The following OSBPL10 variants were observed in gnomAD, a reference collection of about 807,000 sequenced individuals.
The protein encoded by OSBPL10 is oxysterol binding protein like 10.
A neutral mutation model predicts 81.7 loss-of-function variants in OSBPL10; 49 were observed. That is an observed-to-expected ratio of 0.60 (90% CI 0.48 to 0.76). The LOEUF is 0.76. Ranked by LOEUF, OSBPL10 falls within the 30% of genes least tolerant of loss-of-function variation. The pLI, the probability that OSBPL10 is intolerant of heterozygous loss-of-function variation, is 0.00. For synonymous variants in OSBPL10, 419 were observed against 383.6 expected, an observed-to-expected ratio of 1.09 and a Z score of -1.08; for missense variants, 923 against 987.8, an observed-to-expected ratio of 0.93 and a Z score of 0.88.
At chr3:31,914,009 G>A (rs893778837) in intron 1 of OSBPL10, among the ~76,000 whole-genome samples, 27 of 152,098 alleles carry the variant, frequency 1.8e-4, no homozygotes, top group African/African-American at 6.3e-4. Context: ...TGAAACCTCT[G>A]CCTCCTGGGT....
intron 1 of OSBPL10, among the ~76,000 whole-genome samples, chr3:31,902,345 C>T (rs796383710): frequency 1.8e-4 from 27 of 149,572 alleles, no homozygotes; most frequent in African/African-American, 6.4e-4. Flanking sequence ...TTACTGCAAC[C>T]TCTGCCTCCC....
intron 2 of OSBPL10, among the ~76,000 whole-genome samples, chr3:32,022,933 C>T (rs1699373135): frequency 6.6e-6 from 1 of 151,990 alleles, no homozygotes; most frequent in Non-Finnish European, 1.5e-5. Flanking sequence ...AGAGTTCAGT[C>T]CTCAAGTCCC....
intron 4 of OSBPL10, among the ~76,000 whole-genome samples, chr3:31,825,971 T>C (rs1700091486): frequency 6.6e-6 from 1 of 152,222 alleles, no homozygotes; most frequent in African/African-American, 2.4e-5. Context: ...ATGACTCTTA[T>C]CTTAAATTAC....
rs554276693 is a variant in OSBPL10 at position 31,911,164 on chromosome 3, A to G, written c.282-31334T>C. On this transcript the variant is annotated intron_variant, in intron 1 of 11. Transcript: ENST00000396556. ...GTGCTCAGGGCCTACAGAGTTGCCA[A>G]ACTTTTTCTGGAAAAGGGGAAAAAG... Among the ~76,000 whole-genome samples, 7 of 152,300 alleles carry G rather than the reference A, an allele frequency of 4.6e-5. No individual in the cohort carries two copies. In the South Asian group the frequency reaches 1.2e-3, roughly 27 times the overall value.
intron 8 of OSBPL10, among the ~76,000 whole-genome samples, chr3:31,675,176 CTTGGGAA>C (rs57353101): frequency 0.49 from 74,386 of 151,264 alleles, 20,860 homozygotes; most frequent in African/African-American, 0.77. Flanking sequence ...ATCGGGATAC[CTTGGGAA>C]TTGGGAACTC....
At chr3:31,836,926 G>C (rs1252391156) in intron 3 of OSBPL10, among the ~76,000 whole-genome samples, 1 of 152,124 alleles carries the variant, frequency 6.6e-6, no homozygotes, top group African/African-American at 2.4e-5. Context: ...TGCAATTTTA[G>C]AGCTAGATGG....
chr3:31,718,336 C>A (rs1255180643), intron 6 of OSBPL10: 11 of 152,162 alleles, frequency 7.2e-5, no homozygotes, highest in Non-Finnish European at 1.2e-4. Context: ...ACTGTGTTAG[C>A]CAGGATGGTC....
chr3:31,805,288 G>A (rs1267827802), intron 4 of OSBPL10, among the ~76,000 whole-genome samples: 2 of 152,146 alleles, frequency 1.3e-5, no homozygotes, highest in East Asian at 3.9e-4. Flanking sequence ...CTCACACCAG[G>A]TCCTTGCACC....
chr3:31,799,172 G>A (rs1699313364), intron 4 of OSBPL10, among the ~76,000 whole-genome samples: 1 of 151,828 alleles, frequency 6.6e-6, no homozygotes. Flanking sequence ...TCTTCTTGTG[G>A]GGTATGTCTG....
intron 1 of OSBPL10, among the ~76,000 whole-genome samples, chr3:31,932,995 A>G (rs1245635143): frequency 6.6e-6 from 1 of 152,202 alleles, no homozygotes. Context: ...TTTATTTAAA[A>G]ATAAAGTTTT....
chr3:32,051,461 G>C (rs1699669828), intron 1 of OSBPL10, among the ~76,000 whole-genome samples: 1 of 152,138 alleles, frequency 6.6e-6, no homozygotes, highest in African/African-American at 2.4e-5. Flanking sequence ...TCAGCTCTTT[G>C]ATGTTTGGAT....
At chr3:32,055,513 T>C (rs1432569999) in intron 1 of OSBPL10, among the ~76,000 whole-genome samples, 2 of 152,204 alleles carry the variant, frequency 1.3e-5, no homozygotes, top group African/African-American at 4.8e-5. Context: ...TTTAGTAAAG[T>C]ATACTCCTAT....
At chr3:31,983,700 G>A (rs1361587895), upstream of OSBPL10, among the ~76,000 whole-genome samples, 1 of 152,204 alleles carries the variant, frequency 6.6e-6, no homozygotes, top group Non-Finnish European at 1.5e-5. Flanking sequence ...TGGAGTTATG[G>A]ATTACAAGTC....
intron 2 of OSBPL10, among the ~76,000 whole-genome samples, chr3:31,996,170 C>T (rs777684776): frequency 1.3e-5 from 2 of 152,138 alleles, no homozygotes; most frequent in African/African-American, 4.8e-5. Flanking sequence ...CAGGTAAACG[C>T]AAACAACCAG....
At chr3:31,947,747 A>G (rs796091000) in intron 1 of OSBPL10, among the ~76,000 whole-genome samples, 3 of 152,192 alleles carry the variant, frequency 2.0e-5, no homozygotes, top group Non-Finnish European at 4.4e-5. Flanking sequence ...AAAAATAGAT[A>G]AAGAATCTGT....
At chr3:31,896,077 A>G (rs1696048122) in intron 1 of OSBPL10, among the ~76,000 whole-genome samples, 1 of 152,250 alleles carries the variant, frequency 6.6e-6, no homozygotes, top group Non-Finnish European at 1.5e-5. Flanking sequence ...AAACAATGCC[A>G]CATTAATTCC....
At chr3:32,069,718 G>C (rs1285934767) in intron 1 of OSBPL10, among the ~76,000 whole-genome samples, 2 of 152,196 alleles carry the variant, frequency 1.3e-5, no homozygotes, top group African/African-American at 4.8e-5. Context: ...CAATAATAGA[G>C]AGGCGGTAGC....
chr3:31,788,128 T>C (rs567720955), intron 4 of OSBPL10, among the ~76,000 whole-genome samples: 94 of 152,312 alleles, frequency 6.2e-4, no homozygotes, highest in Non-Finnish European at 1.3e-4. Context: ...CTGGAATAAA[T>C]TTTAAAGCTG....
intron 5 of OSBPL10, among the ~76,000 whole-genome samples, chr3:31,739,683 G>A (rs574297478): frequency 4.6e-5 from 7 of 152,044 alleles, no homozygotes; most frequent in Non-Finnish European, 1.0e-4. Flanking sequence ...GCCATGAAGA[G>A]AGCCCTCACC....
Sources: gnomAD v4.1 joint callset for allele counts (sites outside exome capture counted in the v4.1 genomes callset) on GRCh38, gnomAD v4.1.1 for gene constraint, MANE v1.5 for transcripts, NCBI Gene and HGNC (gene_info 2026-07-23, HGNC 2026-07-21) for gene names.